Variants in DOCK2 observed in about 807,000 individuals in gnomAD.
DOCK2 encodes the protein dedicator of cytokinesis protein 2.
A neutral mutation model predicts 248.9 loss-of-function variants in DOCK2; 87 were observed. The ratio of observed to expected loss-of-function variants is 0.35; its 90% CI spans 0.29 to 0.42. The LOEUF is 0.42. Among genes scored for constraint, DOCK2 ranks in the 10% least tolerant of loss-of-function variants. The probability of loss-of-function intolerance (pLI) is 1.00; values close to 1 mark genes in which losing one functional copy is unlikely to be tolerated. For missense variants in DOCK2, 1,747 were observed against 2,300.2 expected (o/e 0.76, Z 4.92); for synonymous variants, 805 against 821.6 (o/e 0.98, Z 0.35).
In DOCK2 at chr5:169,848,358, C is replaced by T. The variant is rs180965003; in HGVS notation, c.2799+7506C>T. On this transcript the variant is annotated intron_variant, in intron 27 of 51. Coordinates refer to ENST00000520908, the MANE Select transcript of DOCK2 (RefSeq NM_004946.3). ...GATGTGAACCAGGGACACCAGAGTG[C>T]GTATGTCTCCAGTCATCTGTGCTCC... Among the ~76,000 whole-genome samples, 47 of 152,306 alleles carry T rather than the reference C, an allele frequency of 3.1e-4. 1 individual carries two copies. Among genetic ancestry groups the T allele is most frequent in the Middle Eastern group, 6.8e-3 (2 of 294 alleles).
chr5:170,015,687 G>A (rs1209047253), intron 32 of DOCK2, among the ~76,000 whole-genome samples: 8 of 152,018 alleles, frequency 5.3e-5, no homozygotes, highest in Non-Finnish European at 7.4e-5. Context: ...TCATTGCAGC[G>A]TCTGTGCCAG....
chr5:169,683,510 T>A (rs1021456030), intron 7 of DOCK2, among the ~76,000 whole-genome samples: 6 of 152,174 alleles, frequency 3.9e-5, no homozygotes, highest in Non-Finnish European at 5.9e-5. Flanking sequence ...AGATTACAGG[T>A]GTGAGCCACC....
chr5:169,940,305 A>T (rs1291485662), intron 27 of DOCK2, among the ~76,000 whole-genome samples: 1 of 152,198 alleles, frequency 6.6e-6, no homozygotes, highest in African/African-American at 2.4e-5. Flanking sequence ...CTCAGCAGAC[A>T]TTTAGCAGTG....
chr5:170,025,564 G>A (rs1156770361), intron 33 of DOCK2, among the ~76,000 whole-genome samples: 1 of 152,206 alleles, frequency 6.6e-6, no homozygotes, highest in Non-Finnish European at 1.5e-5. Flanking sequence ...TCATTGTATA[G>A]CCCCTTAGCT....
intron 27 of DOCK2, among the ~76,000 whole-genome samples, chr5:169,971,302 G>A (rs1309579292): frequency 3.3e-5 from 5 of 152,198 alleles, no homozygotes; most frequent in African/African-American, 1.2e-4. Context: ...CTGCCGGGGA[G>A]CTGGGGCCTG....
chr5:169,689,453 C>T, intron 9 of DOCK2, 120 bp downstream of exon 9: 1 of 1,008,718 alleles, frequency 9.9e-7, no homozygotes, highest in Non-Finnish European at 1.5e-6. Flanking sequence ...GTGTTGTGGG[C>T]TCCAAGCAGA....
intron 25 of DOCK2, among the ~76,000 whole-genome samples, chr5:169,765,559 C>G (rs1400175732): frequency 2.0e-5 from 3 of 152,222 alleles, no homozygotes; most frequent in African/African-American, 7.2e-5. Context: ...CTACAAGAAC[C>G]TCATCTCCAA....
At chr5:170,080,542 A>T in intron 50 of DOCK2, 1 of 470,938 alleles carries the variant, frequency 2.1e-6, no homozygotes, top group East Asian at 3.6e-5. Context: ...TTCACTGAGC[A>T]TCCATTTGTC....
intron 22 of DOCK2, among the ~76,000 whole-genome samples, chr5:169,721,356 C>T (rs1035641429): frequency 9.2e-5 from 14 of 152,204 alleles, no homozygotes; most frequent in Admixed American, 2.6e-4. Flanking sequence ...CCTGCAAAGA[C>T]GGTCTAGGAC....
At chr5:169,912,070 C>A (rs1774627022) in intron 27 of DOCK2, among the ~76,000 whole-genome samples, 1 of 152,176 alleles carries the variant, frequency 6.6e-6, no homozygotes, top group African/African-American at 2.4e-5. Context: ...AACCAAAGCA[C>A]CTTGCTCTTT....
rs80160573 is a variant in DOCK2, at chr5:169,984,661, G to A, written c.2899-1167G>A. 9.5e-3 allele frequency among the ~76,000 whole-genome samples: 1,440 copies of A among 151,842 alleles called. 18 individuals carry two copies. Among genetic ancestry groups the A allele is most frequent in the African/African-American group, 0.033 (1,369 of 41,416 alleles). On this transcript the variant is annotated intron_variant, in intron 28 of 51. Transcript: ENST00000520908. ...TTACCATAAACATGCACACACGTGC[G>A]CACACACACACACAATTCCACCAGA...
rs867167851 is a variant in DOCK2 at position 169,933,758 on chromosome 5, C to T, written c.2800-49310C>T. ...CACTTCTCAGACTTCCAGGCAGCTG[C>T]CAACCTTTGCCTTCCCTTCTTGGAT... On this transcript the variant is annotated intron_variant, in intron 27 of 51. Coordinates refer to ENST00000520908, the MANE Select transcript of DOCK2 (RefSeq NM_004946.3). Among the ~76,000 whole-genome samples the T allele has an allele frequency of 5.9e-5, 9 of 152,252 alleles. No individual in the cohort carries two copies. The South Asian group carries it at 1.7e-3, about 28-fold the overall frequency.
chr5:170,048,083 T>C (rs1397149247), intron 40 of DOCK2, among the ~76,000 whole-genome samples: 1 of 152,204 alleles, frequency 6.6e-6, no homozygotes, highest in East Asian at 1.9e-4. Context: ...TTTTGAAGTG[T>C]TCATTTATTT....
chr5:170,065,351 T>C (rs1273477207), intron 44 of DOCK2, among the ~76,000 whole-genome samples: 1 of 152,164 alleles, frequency 6.6e-6, no homozygotes, highest in Non-Finnish European at 1.5e-5. Flanking sequence ...ACAAAGGATC[T>C]ATAAAATAAC....
chr5:170,066,516 G>A (rs922930650), intron 44 of DOCK2, among the ~76,000 whole-genome samples: 1 of 152,084 alleles, frequency 6.6e-6, no homozygotes, highest in African/African-American at 2.4e-5. Flanking sequence ...AGAAAACATT[G>A]AACTTAACCT....
intron 32 of DOCK2, 136 bp from the exon 33 acceptor site, chr5:170,018,824 T>C: frequency 2.6e-6 from 3 of 1,162,406 alleles, no homozygotes; most frequent in Non-Finnish European, 3.6e-6. Context: ...GCCTGGCTCA[T>C]GGTAAACAAC....
chr5:169,994,656 G>A (rs1388620449), intron 29 of DOCK2, among the ~76,000 whole-genome samples: 3 of 152,120 alleles, frequency 2.0e-5, no homozygotes, highest in Non-Finnish European at 4.4e-5. Flanking sequence ...GAAGGCAAGG[G>A]ACATTCTACA....
chr5:169,829,999 A>G (rs537522315), intron 26 of DOCK2, among the ~76,000 whole-genome samples: 1 of 152,346 alleles, frequency 6.6e-6, no homozygotes, highest in South Asian at 2.1e-4. Flanking sequence ...ATAAGCCATC[A>G]TTTATATAAT....
rs180750446 is a variant in DOCK2, at chr5:169,931,246, G to A, written c.2800-51822G>A. ...TACATGTGCATCCCAAAGACGACCAGGAGAGTGAGGAAGGCTTGGCTCAAC... is the reference window on the plus strand; with the variant it reads ...TACATGTGCATCCCAAAGACGACCAAGAGAGTGAGGAAGGCTTGGCTCAAC... On this transcript the variant is annotated intron_variant, in intron 27 of 51. Transcript: ENST00000520908. Among the ~76,000 whole-genome samples the A allele has an allele frequency of 2.6e-5, 4 of 152,348 alleles. 1 individual carries two copies. Among genetic ancestry groups the A allele is most frequent in the Non-Finnish European group, 5.9e-5 (4 of 68,030 alleles).
Sources: gnomAD v4.1 joint callset for allele counts (sites outside exome capture counted in the v4.1 genomes callset) on GRCh38, gnomAD v4.1.1 for gene constraint, MANE v1.5 for transcripts, NCBI Gene and HGNC (gene_info 2026-07-23, HGNC 2026-07-21) for gene names.